KATNAL2: variants seen among roughly 807,000 people sequenced by gnomAD.
The protein encoded by KATNAL2 is katanin catalytic subunit A1 like 2.
A neutral mutation model predicts 76.3 loss-of-function variants in KATNAL2; 52 were observed. The observed-to-expected ratio is 0.68, with a 90% CI of 0.55 to 0.86. The LOEUF is 0.86. Among genes scored for constraint, KATNAL2 ranks in the 40% least tolerant of loss-of-function variants. KATNAL2 has a pLI of 0.00. For synonymous variants in KATNAL2, 243 were observed against 244.2 expected (o/e 1.00, Z 0.05); for missense variants, 660 against 668.9 (o/e 0.99, Z 0.15).
intron 3 of KATNAL2, among the ~76,000 whole-genome samples, chr18:47,043,576 A>G (rs1409883269): frequency 6.6e-6 from 1 of 152,208 alleles, no homozygotes; most frequent in Non-Finnish European, 1.5e-5. Flanking sequence ...AGGGGATCCA[A>G]TGCAAGAAAA....
chr18:46,922,298 A>C (rs2058592562), intron 1 of KATNAL2, among the ~76,000 whole-genome samples: 1 of 151,842 alleles, frequency 6.6e-6, no homozygotes, highest in Admixed American at 6.6e-5. Flanking sequence ...GGGTTTCACC[A>C]TGTTGCCCAG....
intron 1 of KATNAL2, among the ~76,000 whole-genome samples, chr18:46,942,848 A>G (rs558868403): frequency 6.6e-6 from 1 of 150,644 alleles, no homozygotes; most frequent in South Asian, 2.1e-4. Flanking sequence ...TTGCATATCT[A>G]GCAATTTTGG....
intron 3 of KATNAL2, among the ~76,000 whole-genome samples, chr18:47,036,307 G>A (rs1427077288): frequency 1.3e-5 from 2 of 152,276 alleles, no homozygotes; most frequent in Admixed American, 1.3e-4. Context: ...TCTGGTAATG[G>A]TTTTTCTGCT....
chr18:47,066,893 A>ATATATT (rs2061830313), intron 10 of KATNAL2, 128 bp from the exon 11 acceptor site: 1 of 149,496 alleles, frequency 6.7e-6, no homozygotes, highest in Non-Finnish European at 1.4e-5. Context: ...ATATATATAT[A>ATATATT]ATATGAACAG....
intron 3 of KATNAL2, among the ~76,000 whole-genome samples, chr18:46,961,044 A>G (rs562781963): frequency 6.6e-6 from 1 of 152,348 alleles, no homozygotes; most frequent in East Asian, 1.9e-4. Flanking sequence ...GGACATAACT[A>G]AGGGCTACAT....
At chr18:46,920,437 G>GA (rs1369418725) in intron 1 of KATNAL2, among the ~76,000 whole-genome samples, 1 of 152,150 alleles carries the variant, frequency 6.6e-6, no homozygotes, top group East Asian at 1.9e-4. Context: ...CTTGTGAGCA[G>GA]AAAAATCACA....
At chr18:47,043,954 G>A (rs537787177) in intron 3 of KATNAL2, among the ~76,000 whole-genome samples, 1 of 152,276 alleles carries the variant, frequency 6.6e-6, no homozygotes, top group East Asian at 1.9e-4. Context: ...AGTTTGAAAA[G>A]GGTATAAGAC....
chr18:47,079,032 G>A (rs1208556557), intron 15 of KATNAL2, among the ~76,000 whole-genome samples: 1 of 151,986 alleles, frequency 6.6e-6, no homozygotes, highest in Admixed American at 6.6e-5. Context: ...CTAAGGAAAG[G>A]AAAAAAGCAG....
chr18:47,054,548 C>T (rs2576041), intron 6 of KATNAL2, 110 bp downstream of exon 6: 488,632 of 1,095,168 alleles, frequency 0.45, 110,527 homozygotes, highest in Admixed American at 0.56. Flanking sequence ...GCAATACTGA[C>T]TGCAGTCATG....
At chr18:47,097,964 T>A (rs1280778430) in intron 15 of KATNAL2, among the ~76,000 whole-genome samples, 4 of 152,184 alleles carry the variant, frequency 2.6e-5, no homozygotes, top group Non-Finnish European at 5.9e-5. Flanking sequence ...GGTGTCATAA[T>A]GATATTGTGG....
chr18:47,039,458 G>T (rs1376130013), intron 3 of KATNAL2, among the ~76,000 whole-genome samples: 1 of 152,042 alleles, frequency 6.6e-6, no homozygotes, highest in Non-Finnish European at 1.5e-5. Flanking sequence ...GTTTCTTCCA[G>T]GATCTTTTTT....
At chr18:46,938,011 A>G (rs1387686312) in intron 1 of KATNAL2, among the ~76,000 whole-genome samples, 1 of 152,074 alleles carries the variant, frequency 6.6e-6, no homozygotes. Context: ...TGGGAGGATC[A>G]CTTGAGCCTG....
Position 47,048,828 on chromosome 18 carries a change from C to CTTTTTTTT in KATNAL2, c.122+2318_122+2325dup, listed in dbSNP as rs35366730. On this transcript the variant is annotated intron_variant, in intron 4 of 17. Transcript: ENST00000683218. ...TGCGTATAAACTTAGAAGCCAGACTCTTTTTTTTTTTTTTTTTTTTTTTTG... is the reference window on the plus strand; with the variant it reads ...TGCGTATAAACTTAGAAGCCAGACTCTTTTTTTTTTTTTTTTTTTTTTTTTTTTTTTTG... Among the ~76,000 whole-genome samples the CTTTTTTTT allele has an allele frequency of 4.9e-3, 380 of 76,770 alleles. 19 individuals carry two copies. The highest frequency in any genetic ancestry group is 6.3e-3 in the Non-Finnish European group (274 of 43,152). 50.4% of individuals were successfully genotyped at this position (76,770 alleles called of 152,430 possible).
intron 5 of KATNAL2, among the ~76,000 whole-genome samples, chr18:47,054,071 T>C (rs2061407394): frequency 1.3e-5 from 2 of 152,220 alleles, no homozygotes; most frequent in African/African-American, 2.4e-5. Flanking sequence ...CAAAATGGTG[T>C]CAAGTTCATG....
At chr18:46,922,384 G>A (rs1013921252) in intron 1 of KATNAL2, among the ~76,000 whole-genome samples, 6 of 151,822 alleles carry the variant, frequency 4.0e-5, no homozygotes, top group Non-Finnish European at 7.4e-5. Flanking sequence ...GATGTGAGCC[G>A]CTGCTCCCGG....
In KATNAL2 at chr18:47,101,010, A is replaced by G; in HGVS notation, c.*5A>G. ...AGAGAGTTCGAGTCTGTCTGAAACCACATTTACCCTGACCTGGCCACAAAG... is the reference window on the plus strand; with the variant it reads ...AGAGAGTTCGAGTCTGTCTGAAACCGCATTTACCCTGACCTGGCCACAAAG... On this transcript the variant is annotated 3_prime_UTR_variant, in exon 18 of 18. Transcript: ENST00000683218. The G allele has an allele frequency of 6.2e-7, 1 of 1,613,996 alleles. No individual in the cohort carries two copies. The highest frequency in any genetic ancestry group is 8.5e-7 in the Non-Finnish European group (1 of 1,179,960).
chr18:47,032,021 A>G (rs767658551), intron 3 of KATNAL2, among the ~76,000 whole-genome samples: 1 of 152,202 alleles, frequency 6.6e-6, no homozygotes, highest in African/African-American at 2.4e-5. Context: ...AACTCAAGGT[A>G]GTTAACCCGG....
chr18:46,955,166 C>CTTTCTT lies in KATNAL2; in HGVS notation c.51+8245_51+8250dup, dbSNP rs1433286969. On this transcript the variant is annotated intron_variant, in intron 3 of 17. Coordinates refer to ENST00000683218, the MANE Select transcript of KATNAL2 (RefSeq NM_001387690.1). ...TCTTTCTTTCTTTCTTTCTTTCTTTCTTTCTTTCTTTCTTTCTTTCCTCTC... is the reference window on the plus strand; with the variant it reads ...TCTTTCTTTCTTTCTTTCTTTCTTTCTTTCTTTTTCTTTCTTTCTTTCTTTCCTCTC... Among the ~76,000 whole-genome samples, 5 of 134,260 alleles carry CTTTCTT rather than the reference C, an allele frequency of 3.7e-5. No individual in the cohort carries two copies. The East Asian group carries it at 1.1e-3, about 31-fold the overall frequency. The allele number at this position is 134,260 out of a possible 152,430, so 88.1% of individuals were successfully genotyped here. A position where few individuals can be genotyped will look rare whatever the true frequency, so the allele number is the denominator to read the frequency against.
chr18:47,068,921 G>A lies in KATNAL2; in HGVS notation c.826-299G>A, dbSNP rs1190387374. ...GTCTGGGGAAAACGATGTTATGCAT[G>A]TAAGAAATAACTGTTTAACGGAGAG... is the stretch of plus-strand genomic sequence containing the variant. On this transcript the variant is annotated intron_variant, in intron 11 of 17. Transcript: ENST00000683218. 2.6e-5 allele frequency among the ~76,000 whole-genome samples: 4 copies of A among 152,214 alleles called. No individual in the cohort carries two copies. The East Asian group carries it at 5.8e-4, about 22-fold the overall frequency.
Sources: gnomAD v4.1 joint callset for allele counts (sites outside exome capture counted in the v4.1 genomes callset) on GRCh38, gnomAD v4.1.1 for gene constraint, MANE v1.5 for transcripts, NCBI Gene and HGNC (gene_info 2026-07-23, HGNC 2026-07-21) for gene names.